NLGN1: variants seen among roughly 807,000 people sequenced by gnomAD.
NLGN1 encodes neuroligin-1.
In NLGN1, 12 loss-of-function variants were observed where a neutral mutation model predicts 65.5. That is an observed-to-expected ratio of 0.18 (90% CI 0.12 to 0.30). The LOEUF is 0.30. NLGN1 is among the 10% of genes least tolerant of loss of function. NLGN1 has a pLI of 1.00. For synonymous variants in NLGN1, 350 were observed against 359.5 expected (o/e 0.97, Z 0.30); for missense variants, 750 against 1,007.1 (o/e 0.74, Z 3.46).
chr3:173,612,856 C>T (rs1401800277), intron 3 of NLGN1, among the ~76,000 whole-genome samples: 2 of 152,030 alleles, frequency 1.3e-5, no homozygotes, highest in Non-Finnish European at 2.9e-5. Context: ...GAAGAAGAAT[C>T]AGTTCTGGGC....
chr3:173,503,044 A>G (rs1370011286), intron 2 of NLGN1, among the ~76,000 whole-genome samples: 2 of 151,684 alleles, frequency 1.3e-5, no homozygotes, highest in Non-Finnish European at 2.9e-5. Flanking sequence ...TTTTTCCCCC[A>G]CAATTAACAT....
chr3:174,115,870 C>T (rs1276937475), intron 4 of NLGN1, among the ~76,000 whole-genome samples: 1 of 152,200 alleles, frequency 6.6e-6, no homozygotes, highest in African/African-American at 2.4e-5. Context: ...AAGTACATGA[C>T]ATGTGACTGT....
chr3:173,525,942 A>T (rs771142914), intron 2 of NLGN1, among the ~76,000 whole-genome samples: 1 of 152,030 alleles, frequency 6.6e-6, no homozygotes, highest in Non-Finnish European at 1.5e-5. Context: ...TTCTAATTTT[A>T]TTCCACCATG....
chr3:173,955,811 G>A (rs949505156), intron 4 of NLGN1, among the ~76,000 whole-genome samples: 4 of 151,996 alleles, frequency 2.6e-5, no homozygotes, highest in Non-Finnish European at 1.5e-5. Flanking sequence ...TGAGAGAAAG[G>A]ACCTTGGAAA....
rs368377570 is a variant in NLGN1, at chr3:173,844,155, C to G, written c.646+36323C>G. On this transcript the variant is annotated intron_variant, in intron 4 of 6. Transcript: ENST00000457714. ...TATCACAAGAACAGCACAGGAAAAA[C>G]CCACCCCCATAATTCAATAACCTCC... 2.6e-3 allele frequency among the ~76,000 whole-genome samples: 392 copies of G among 152,248 alleles called. 1 individual carries two copies. The highest frequency in any genetic ancestry group is 9.2e-3 in the African/African-American group (381 of 41,550).
At chr3:174,085,192 T>C (rs1743001810) in intron 4 of NLGN1, among the ~76,000 whole-genome samples, 1 of 152,014 alleles carries the variant, frequency 6.6e-6, no homozygotes, top group Non-Finnish European at 1.5e-5. Flanking sequence ...TATATGAATT[T>C]GTATTATATT....
At chr3:173,521,854 T>A (rs1359752267) in intron 2 of NLGN1, among the ~76,000 whole-genome samples, 1 of 152,234 alleles carries the variant, frequency 6.6e-6, no homozygotes, top group Non-Finnish European at 1.5e-5. Context: ...TTCAGATTTT[T>A]TAAAATTTTA....
intron 2 of NLGN1, among the ~76,000 whole-genome samples, chr3:173,567,583 C>A (rs1221678691): frequency 6.6e-6 from 1 of 151,278 alleles, no homozygotes; most frequent in Non-Finnish European, 1.5e-5. Flanking sequence ...TCACTTAAAT[C>A]GTATGCTGAA....
In NLGN1 at chr3:173,577,959, G is replaced by A. The variant is rs375180527; in HGVS notation, c.-320-26320G>A. ...CCTTTAGAAGATGTCATTTTAGGCCGGATGCGGTCGCTCACGCCTGTAATC... is the reference window on the plus strand; with the variant it reads ...CCTTTAGAAGATGTCATTTTAGGCCAGATGCGGTCGCTCACGCCTGTAATC... On this transcript the variant is annotated intron_variant, in intron 2 of 6. Transcript: ENST00000457714. Among the ~76,000 whole-genome samples the A allele has an allele frequency of 2.0e-4, 31 of 152,100 alleles. 1 individual carries two copies. The highest frequency in any genetic ancestry group is 1.5e-3 in the East Asian group (8 of 5,202).
At chr3:173,709,658 C>T (rs1768606974) in intron 3 of NLGN1, among the ~76,000 whole-genome samples, 1 of 151,614 alleles carries the variant, frequency 6.6e-6, no homozygotes. Flanking sequence ...AAAAAATTAG[C>T]CGGGCATGGT....
At chr3:173,693,524 A>C (rs1385438202) in intron 3 of NLGN1, among the ~76,000 whole-genome samples, 5 of 152,090 alleles carry the variant, frequency 3.3e-5, no homozygotes, top group African/African-American at 9.7e-5. Context: ...CATTGAAGAG[A>C]ATTTTCTTTA....
chr3:173,952,780 T>G (rs1748471810), intron 4 of NLGN1, among the ~76,000 whole-genome samples: 1 of 150,754 alleles, frequency 6.6e-6, no homozygotes, highest in Admixed American at 6.6e-5. Context: ...AATTTACCTT[T>G]TTTTTTTTTT....
intron 4 of NLGN1, among the ~76,000 whole-genome samples, chr3:174,007,379 A>G (rs1367710739): frequency 6.6e-6 from 1 of 152,210 alleles, no homozygotes; most frequent in Non-Finnish European, 1.5e-5. Flanking sequence ...AAAACATGTT[A>G]TTATTTTCCA....
At position 173,952,613 on chromosome 3, in the gene NLGN1, T is replaced by TCATGATTTC. The variant is rs557349175; in HGVS notation, c.646+144783_646+144791dup. 1.3e-3 allele frequency among the ~76,000 whole-genome samples: 200 copies of TCATGATTTC among 152,334 alleles called. 1 individual carries two copies. The highest frequency in any genetic ancestry group is 4.8e-3 in the African/African-American group (198 of 41,564). ...CAAGGGACTGGAATAGATAGCTGTTTCATGATTTCCCTTTCAGAAATCAGT... is the reference window on the plus strand; with the variant it reads ...CAAGGGACTGGAATAGATAGCTGTTTCATGATTTCCATGATTTCCCTTTCAGAAATCAGT... On this transcript the variant is annotated intron_variant, in intron 4 of 6. Coordinates refer to ENST00000457714, the Ensembl canonical transcript of NLGN1.
intron 4 of NLGN1, among the ~76,000 whole-genome samples, chr3:174,013,072 G>T (rs942958557): frequency 4.6e-5 from 7 of 152,134 alleles, no homozygotes; most frequent in Non-Finnish European, 1.0e-4. Context: ...AGAGAGAATA[G>T]TAAATTCAGA....
At chr3:173,539,605 T>C (rs1268907560) in intron 2 of NLGN1, among the ~76,000 whole-genome samples, 5 of 127,338 alleles carry the variant, frequency 3.9e-5, no homozygotes, top group Non-Finnish European at 6.2e-5. Context: ...ATAATATATG[T>C]ATGTTATATA....
chr3:173,713,101 A>T (rs938749191), intron 3 of NLGN1, among the ~76,000 whole-genome samples: 1 of 152,172 alleles, frequency 6.6e-6, no homozygotes, highest in African/African-American at 2.4e-5. Flanking sequence ...GCATTTTTAT[A>T]ATTCTGGGCA....
chr3:173,961,613 G>C (rs1713577045), intron 4 of NLGN1, among the ~76,000 whole-genome samples: 1 of 151,862 alleles, frequency 6.6e-6, no homozygotes. Context: ...GTATAAAGTG[G>C]GTATAACTCT....
intron 4 of NLGN1, among the ~76,000 whole-genome samples, chr3:174,163,355 G>A (rs1297676155): frequency 6.6e-6 from 1 of 151,876 alleles, no homozygotes; most frequent in African/African-American, 2.4e-5. Context: ...ATGTTAACTG[G>A]AACCTAGAAA....
Sources: allele counts gnomAD v4.1 joint callset (sites outside exome capture counted in the v4.1 genomes callset), GRCh38; gene constraint gnomAD v4.1.1; transcripts MANE v1.5; gene names NCBI Gene and HGNC (gene_info 2026-07-23, HGNC 2026-07-21).